The following NLK variants were observed in gnomAD, a reference collection of about 807,000 sequenced individuals.
NLK encodes the protein serine/threonine-protein kinase NLK.
A neutral mutation model predicts 59.0 loss-of-function variants in NLK; 11 were observed. The observed-to-expected ratio is 0.19, with a 90% CI of 0.12 to 0.31. The LOEUF (loss-of-function observed/expected upper bound fraction) is 0.31, where lower values mean the gene tolerates loss of function less well. Among genes scored for constraint, NLK ranks in the 10% least tolerant of loss-of-function variants. NLK has a pLI of 1.00. For synonymous variants in NLK, 235 were observed against 235.9 expected (o/e 1.00, Z 0.03); for missense variants, 410 against 661.1 (o/e 0.62, Z 4.16).
intron 8 of NLK, among the ~76,000 whole-genome samples, chr17:28,188,022 C>T (rs1422935556): frequency 1.3e-5 from 2 of 152,086 alleles, no homozygotes; most frequent in East Asian, 1.9e-4. Context: ...GCCTGGGCAA[C>T]TTAGGGATTA....
intron 8 of NLK, among the ~76,000 whole-genome samples, chr17:28,188,864 G>A (rs979876085): frequency 6.6e-6 from 1 of 152,002 alleles, no homozygotes; most frequent in African/African-American, 2.4e-5. Context: ...TTGATCTTGG[G>A]TTAAGCAGTC....
In NLK at chr17:28,078,036, TAA is replaced by T. The variant is rs543734520; in HGVS notation, c.458+34714_458+34715del. Among the ~76,000 whole-genome samples the T allele has an allele frequency of 6.7e-5, 10 of 148,342 alleles. No individual in the cohort carries two copies. The South Asian group carries it at 2.1e-3, about 32-fold the overall frequency. The stretch of plus-strand genomic sequence containing the variant: ...TTATTTCACCAATAAAAAGAATTCA[TAA>T]AAAAAAAAGTGCTATCGATTGAAGC... On this transcript the variant is annotated intron_variant, in intron 1 of 10. Transcript: ENST00000407008.
chr17:28,176,570 A>G (rs913686108), intron 7 of NLK, among the ~76,000 whole-genome samples: 1 of 152,220 alleles, frequency 6.6e-6, no homozygotes, highest in Non-Finnish European at 1.5e-5. Flanking sequence ...CATAAGCCAG[A>G]TGTTAAAATT....
At chr17:28,190,924 A>G (rs1909284412) in intron 8 of NLK, 97 bp from the exon 9 acceptor site, 2 of 803,862 alleles carry the variant, frequency 2.5e-6, no homozygotes, top group South Asian at 1.8e-5. Context: ...AATTATATAT[A>G]TGCTATGTCA....
chr17:28,171,704 T>G (rs1908469396), intron 6 of NLK, among the ~76,000 whole-genome samples: 1 of 152,206 alleles, frequency 6.6e-6, no homozygotes, highest in East Asian at 1.9e-4. Flanking sequence ...AGCACCTTGG[T>G]GAGCCTGAAT....
intron 1 of NLK, among the ~76,000 whole-genome samples, chr17:28,098,304 T>C (rs1324357713): frequency 6.6e-6 from 1 of 152,130 alleles, no homozygotes; most frequent in African/African-American, 2.4e-5. Context: ...GTTTAAAAAA[T>C]TGTCATAAGA....
chr17:28,070,713 T>C (rs865878816), intron 1 of NLK, among the ~76,000 whole-genome samples: 2 of 152,102 alleles, frequency 1.3e-5, no homozygotes, highest in African/African-American at 4.8e-5. Context: ...GTTTTGTTTT[T>C]TAAAATACTA....
chr17:28,139,524 A>G (rs866983081), intron 3 of NLK, among the ~76,000 whole-genome samples: 6 of 152,332 alleles, frequency 3.9e-5, no homozygotes, highest in South Asian at 4.1e-4. Flanking sequence ...TTTTGTCAGT[A>G]TCTGGTTAGC....
chr17:28,082,620 A>G (rs112694994), intron 1 of NLK, among the ~76,000 whole-genome samples: 4 of 152,280 alleles, frequency 2.6e-5, no homozygotes, highest in African/African-American at 9.6e-5. Context: ...AGATTTTCTT[A>G]TTGCAGGATC....
At chr17:28,145,905 CTG>C (rs1262174714) in intron 3 of NLK, among the ~76,000 whole-genome samples, 2 of 152,128 alleles carry the variant, frequency 1.3e-5, no homozygotes, top group Admixed American at 6.5e-5. Context: ...CAGTGTTTCA[CTG>C]TGTTGGCCAG....
intron 5 of NLK, among the ~76,000 whole-genome samples, chr17:28,164,701 G>A (rs1370999108): frequency 1.3e-5 from 2 of 152,026 alleles, no homozygotes; most frequent in Admixed American, 1.3e-4. Context: ...AATAGAAATT[G>A]GAAATAAGGG....
the NLK span, among the ~76,000 whole-genome samples, chr17:28,203,950 T>C: frequency 6.6e-6 from 1 of 152,218 alleles, no homozygotes; most frequent in Non-Finnish European, 1.5e-5. Flanking sequence ...AGTGGAACGC[T>C]GACTTCTGGC....
At chr17:28,112,247 T>A (rs1475234461) in intron 1 of NLK, among the ~76,000 whole-genome samples, 1 of 152,098 alleles carries the variant, frequency 6.6e-6, no homozygotes, top group African/African-American at 2.4e-5. Flanking sequence ...AGCTATAGGC[T>A]TTCTCTGTTC....
chr17:28,152,551 A>G (rs1907522932), intron 3 of NLK, among the ~76,000 whole-genome samples: 1 of 152,198 alleles, frequency 6.6e-6, no homozygotes, highest in East Asian at 1.9e-4. Context: ...AGAACTCTTC[A>G]ATCCTGGCAA....
At chr17:28,073,684 A>G (rs1327262160) in intron 1 of NLK, among the ~76,000 whole-genome samples, 1 of 152,162 alleles carries the variant, frequency 6.6e-6, no homozygotes, top group East Asian at 1.9e-4. Context: ...TCCTATTTCA[A>G]CTGTGATAAA....
chr17:28,102,648 C>CAAA (rs74716454), intron 1 of NLK, among the ~76,000 whole-genome samples: 1 of 69,526 alleles, frequency 1.4e-5, no homozygotes, highest in Non-Finnish European at 3.0e-5. Context: ...GACTCCATCT[C>CAAA]AAAAAAAAAA....
At chr17:28,110,233 T>G (rs1905405870) in intron 1 of NLK, among the ~76,000 whole-genome samples, 1 of 152,038 alleles carries the variant, frequency 6.6e-6, no homozygotes, top group Non-Finnish European at 1.5e-5. Flanking sequence ...ATATATATCT[T>G]GGAATATTTT....
intron 1 of NLK, among the ~76,000 whole-genome samples, chr17:28,059,934 ATAAC>A (rs1427225854): frequency 3.9e-5 from 6 of 152,154 alleles, no homozygotes; most frequent in South Asian, 2.1e-4. Context: ...TCATAATAAA[ATAAC>A]TAGGGAGTGA....
intron 7 of NLK, among the ~76,000 whole-genome samples, chr17:28,180,980 A>G (rs1165368790): frequency 2.6e-5 from 4 of 152,198 alleles, no homozygotes; most frequent in Non-Finnish European, 5.9e-5. Context: ...TAGGCTGGGC[A>G]TGGTGGCTTA....
Sources: allele counts gnomAD v4.1 joint callset (sites outside exome capture counted in the v4.1 genomes callset), GRCh38; gene constraint gnomAD v4.1.1; transcripts MANE v1.5; gene names NCBI Gene and HGNC (gene_info 2026-07-23, HGNC 2026-07-21).